The following COMMD10 variants were observed in gnomAD, a reference collection of about 807,000 sequenced individuals.
The protein encoded by COMMD10 is COMM domain-containing protein 10.
A neutral mutation model predicts 28.9 loss-of-function variants in COMMD10; 33 were observed. The observed-to-expected ratio is 1.14, with a 90% CI of 0.87 to 1.53. The LOEUF is 1.53. Among genes scored for constraint, COMMD10 ranks in the 40% most tolerant of loss-of-function variants. COMMD10 has a pLI of 0.00. For missense variants in COMMD10, 310 were observed against 233.4 expected (o/e 1.33, Z -2.14); for synonymous variants, 110 against 81.7 (o/e 1.35, Z -1.87).
chr5:116,143,436 A>G (rs986735667), intron 5 of COMMD10, among the ~76,000 whole-genome samples: 2 of 151,754 alleles, frequency 1.3e-5, no homozygotes, highest in African/African-American at 4.8e-5. Flanking sequence ...ATTTTAGGCA[A>G]TTTAGAATTA....
At chr5:116,275,278 A>G (rs958040639) in intron 5 of COMMD10, among the ~76,000 whole-genome samples, 4 of 151,862 alleles carry the variant, frequency 2.6e-5, no homozygotes, top group African/African-American at 9.7e-5. Flanking sequence ...ATCATCACAA[A>G]TTTAAATTAC....
intron 5 of COMMD10, among the ~76,000 whole-genome samples, chr5:116,147,266 C>A (rs554866856): frequency 7.2e-5 from 11 of 151,848 alleles, no homozygotes; most frequent in African/African-American, 2.2e-4. Flanking sequence ...TGGGAATATA[C>A]CGTAACTAGG....
intron 4 of COMMD10, among the ~76,000 whole-genome samples, chr5:116,128,684 A>G (rs1316328951): frequency 6.6e-6 from 1 of 152,018 alleles, no homozygotes; most frequent in African/African-American, 2.4e-5. Context: ...TATGTCAGCA[A>G]TGCCTACTAT....
At chr5:116,260,410 A>AT (rs1750411891) in intron 5 of COMMD10, among the ~76,000 whole-genome samples, 2 of 151,932 alleles carry the variant, frequency 1.3e-5, no homozygotes, top group African/African-American at 4.8e-5. Context: ...TTAAGGTGAT[A>AT]TTTTTATTTC....
At chr5:116,141,318 G>A (rs774526506) in intron 5 of COMMD10, among the ~76,000 whole-genome samples, 10 of 151,544 alleles carry the variant, frequency 6.6e-5, no homozygotes, top group Non-Finnish European at 1.5e-4. Context: ...TACTATTTTG[G>A]TTACTATAAC....
At position 116,276,652 on chromosome 5, in the gene COMMD10, G is replaced by A. The variant is rs537699790; in HGVS notation, c.511-14865G>A. Among the ~76,000 whole-genome samples, 54 of 151,820 alleles carry A rather than the reference G, an allele frequency of 3.6e-4. 3 individuals carry two copies. Among genetic ancestry groups the A allele is most frequent in the African/African-American group, 1.3e-3 (53 of 41,214 alleles). Reference sequence around the variant, plus strand: ...AATTTTAAAATCTAACCTTAATTCAGTTATTTAAATTAAGATACAAGCCTT... The same window carrying A: ...AATTTTAAAATCTAACCTTAATTCAATTATTTAAATTAAGATACAAGCCTT... On this transcript the variant is annotated intron_variant, in intron 5 of 6. Coordinates refer to ENST00000274458, the MANE Select transcript of COMMD10 (RefSeq NM_016144.4).
chr5:116,199,873 C>T (rs1290336044), intron 5 of COMMD10, among the ~76,000 whole-genome samples: 2 of 152,092 alleles, frequency 1.3e-5, no homozygotes, highest in African/African-American at 2.4e-5. Context: ...TAGCACCATG[C>T]CTGGCTTTCT....
intron 5 of COMMD10, among the ~76,000 whole-genome samples, chr5:116,155,323 T>A (rs1186094027): frequency 6.6e-6 from 1 of 152,136 alleles, no homozygotes; most frequent in African/African-American, 2.4e-5. Flanking sequence ...TGTTTGTGCA[T>A]TGTCCTTATG....
chr5:116,207,854 C>T (rs542123949), intron 5 of COMMD10, among the ~76,000 whole-genome samples: 365 of 152,280 alleles, frequency 2.4e-3, no homozygotes, highest in African/African-American at 8.0e-3. Context: ...CACTCCCAAC[C>T]TTTAACATTG....
chr5:116,148,160 A>C (rs893456550), intron 5 of COMMD10, among the ~76,000 whole-genome samples: 1 of 151,928 alleles, frequency 6.6e-6, no homozygotes, highest in East Asian at 1.9e-4. Flanking sequence ...TAGAAATTCT[A>C]TTCATGTAAA....
intron 5 of COMMD10, among the ~76,000 whole-genome samples, chr5:116,176,900 T>C (rs1580522569): frequency 2.0e-5 from 3 of 152,086 alleles, no homozygotes; most frequent in Non-Finnish European, 1.5e-5. Flanking sequence ...ATACTAGGCC[T>C]GAAGGAGGAG....
intron 5 of COMMD10, among the ~76,000 whole-genome samples, chr5:116,162,239 G>T (rs893990858): frequency 7.9e-5 from 12 of 152,096 alleles, no homozygotes; most frequent in African/African-American, 2.9e-4. Context: ...TACAGAAGTT[G>T]CATAATAGCT....
In COMMD10 at chr5:116,231,862, A is replaced by C. The variant is rs990876757; in HGVS notation, c.511-59655A>C. Reference sequence around the variant, plus strand: ...GACAATCCAGAAAAAAAAACAACAGAATATAAAATGTAATGTTTAACAAAA... The same window carrying C: ...GACAATCCAGAAAAAAAAACAACAGCATATAAAATGTAATGTTTAACAAAA... On this transcript the variant is annotated intron_variant, in intron 5 of 6. Coordinates refer to ENST00000274458, the MANE Select transcript of COMMD10 (RefSeq NM_016144.4). Among the ~76,000 whole-genome samples the C allele has an allele frequency of 7.2e-5, 11 of 152,292 alleles. No individual in the cohort carries two copies. In the East Asian group the frequency reaches 2.1e-3, roughly 29 times the overall value.
At chr5:116,117,407 G>C (rs1751276691) in intron 4 of COMMD10, among the ~76,000 whole-genome samples, 1 of 152,120 alleles carries the variant, frequency 6.6e-6, no homozygotes, top group South Asian at 2.1e-4. Context: ...CACCTTGAGT[G>C]GTTTCCTTTA....
chr5:116,138,969 C>T (rs1752114759), intron 5 of COMMD10, among the ~76,000 whole-genome samples: 4 of 151,598 alleles, frequency 2.6e-5, no homozygotes, highest in Admixed American at 2.0e-4. Context: ...AATGGAGACA[C>T]GGAAGCACAG....
chr5:116,273,327 A>T (rs775713430), intron 5 of COMMD10, among the ~76,000 whole-genome samples: 1 of 151,848 alleles, frequency 6.6e-6, no homozygotes, highest in Non-Finnish European at 1.5e-5. Context: ...CATTAAATCT[A>T]TGATTTTGAA....
At chr5:116,207,126 A>AT (rs1471968907) in intron 5 of COMMD10, among the ~76,000 whole-genome samples, 4 of 152,172 alleles carry the variant, frequency 2.6e-5, no homozygotes, top group African/African-American at 9.7e-5. Flanking sequence ...TCTATTAATA[A>AT]TTACAATTAT....
At chr5:116,275,310 C>T (rs1750874786) in intron 5 of COMMD10, among the ~76,000 whole-genome samples, 1 of 151,752 alleles carries the variant, frequency 6.6e-6, no homozygotes, top group Non-Finnish European at 1.5e-5. Flanking sequence ...TCTGCTTTTC[C>T]CTTTCATGTT....
chr5:116,281,403 G>A (rs1441773390), intron 5 of COMMD10, among the ~76,000 whole-genome samples: 2 of 151,656 alleles, frequency 1.3e-5, no homozygotes, highest in South Asian at 4.1e-4. Context: ...AAAGGAATGG[G>A]TGGTGAACAA....
Sources: gnomAD v4.1 joint callset for allele counts (sites outside exome capture counted in the v4.1 genomes callset) on GRCh38, gnomAD v4.1.1 for gene constraint, MANE v1.5 for transcripts, NCBI Gene and HGNC (gene_info 2026-07-23, HGNC 2026-07-21) for gene names.